The following NBAS variants were observed in gnomAD, a reference collection of about 807,000 sequenced individuals.
NBAS encodes NBAS subunit of NRZ tethering complex, also known as NAG/BC035112 fusion.
Under a neutral mutation model 302.5 loss-of-function variants are expected in NBAS, and 219 were observed. The ratio of observed to expected loss-of-function variants is 0.72; its 90% CI spans 0.65 to 0.81. The LOEUF is 0.81. NBAS is among the 30% of genes least tolerant of loss of function. The pLI is 0.00. For synonymous variants in NBAS, 1,118 were observed against 1,021.6 expected (o/e 1.09, Z -1.80); for missense variants, 2,932 against 2,841.6 (o/e 1.03, Z -0.72).
chr2:15,329,552 C>G (rs1048881543), intron 36 of NBAS, among the ~76,000 whole-genome samples: 1 of 152,140 alleles, frequency 6.6e-6, no homozygotes, highest in African/African-American at 2.4e-5. Flanking sequence ...TCTCCATAAG[C>G]TTTCCATCTT....
chr2:14,820,969 G>A, the NBAS span, among the ~76,000 whole-genome samples: 5 of 148,990 alleles, frequency 3.4e-5, no homozygotes, highest in African/African-American at 1.0e-4. Flanking sequence ...TTGCTCTGTC[G>A]CCCAGGCTGG....
At chr2:15,410,080 G>A (rs1317937918) in intron 25 of NBAS, among the ~76,000 whole-genome samples, 1 of 152,184 alleles carries the variant, frequency 6.6e-6, no homozygotes. Flanking sequence ...TACCCAGGGA[G>A]TCATGCTCCT....
the NBAS span, among the ~76,000 whole-genome samples, chr2:15,026,725 A>G: frequency 1.3e-5 from 2 of 152,102 alleles, no homozygotes; most frequent in African/African-American, 2.4e-5. Context: ...AGTTAAGAAG[A>G]TATTCCTAAC....
chr2:15,250,608 A>C (rs1668318621), intron 44 of NBAS, among the ~76,000 whole-genome samples: 1 of 152,194 alleles, frequency 6.6e-6, no homozygotes, highest in Admixed American at 6.5e-5. Context: ...AACTTAAGCA[A>C]ATTTACAAGA....
At chr2:15,334,910 A>G (rs931971847) in intron 35 of NBAS, among the ~76,000 whole-genome samples, 9 of 152,224 alleles carry the variant, frequency 5.9e-5, no homozygotes, top group African/African-American at 9.6e-5. Flanking sequence ...TGCAGTCACT[A>G]ACCCTGCCAA....
chr2:15,251,968 T>A (rs1440873770), intron 44 of NBAS, among the ~76,000 whole-genome samples: 2 of 152,128 alleles, frequency 1.3e-5, no homozygotes. Context: ...TGTCAGAGAA[T>A]GAGGAAGAAT....
chr2:14,997,453 G>A, the NBAS span, among the ~76,000 whole-genome samples: 5 of 142,000 alleles, frequency 3.5e-5, no homozygotes, highest in Non-Finnish European at 7.7e-5. Context: ...CCCTGTGCTT[G>A]TTTTTTTTTT....
chr2:15,447,063 C>T (rs1364896063), intron 21 of NBAS, among the ~76,000 whole-genome samples: 4 of 152,018 alleles, frequency 2.6e-5, no homozygotes, highest in Admixed American at 1.3e-4. Flanking sequence ...AAGTAGTAAA[C>T]GAATACCAAA....
chr2:15,533,466 C>T (rs1018160651), intron 9 of NBAS, among the ~76,000 whole-genome samples: 2 of 151,982 alleles, frequency 1.3e-5, no homozygotes, highest in Non-Finnish European at 2.9e-5. Context: ...TAAAGCAAAA[C>T]GTGCACCAAA....
chr2:15,100,221 C>T, the NBAS span, among the ~76,000 whole-genome samples: 1 of 152,052 alleles, frequency 6.6e-6, no homozygotes, highest in South Asian at 2.1e-4. Flanking sequence ...TCATGTGAGC[C>T]ATGAAAGAAA....
intron 44 of NBAS, among the ~76,000 whole-genome samples, chr2:15,251,547 C>G (rs539159145): frequency 6.6e-6 from 1 of 152,164 alleles, no homozygotes; most frequent in Admixed American, 6.5e-5. Flanking sequence ...TCCATAGGCC[C>G]TTGGGGCTGC....
chr2:15,254,562 T>A (rs1668501969), intron 44 of NBAS, among the ~76,000 whole-genome samples: 2 of 152,266 alleles, frequency 1.3e-5, no homozygotes, highest in Admixed American at 6.5e-5. Context: ...TTTAAAAAAA[T>A]TCAACAGTTT....
intron 19 of NBAS, 39 bp from the exon 20 acceptor site, chr2:15,461,830 G>T: frequency 8.5e-7 from 1 of 1,174,830 alleles, no homozygotes; most frequent in African/African-American, 1.5e-5. Context: ...TAATGAAAAG[G>T]CTTTTAAATA....
chr2:14,899,415 T>G, the NBAS span, among the ~76,000 whole-genome samples: 1 of 152,234 alleles, frequency 6.6e-6, no homozygotes, highest in African/African-American at 2.4e-5. Context: ...GTCCAGATCA[T>G]TTTTTAGTTT....
chr2:15,139,524 A>G, the NBAS span, among the ~76,000 whole-genome samples: 11 of 150,282 alleles, frequency 7.3e-5, no homozygotes, highest in South Asian at 2.1e-4. Flanking sequence ...GTGTGTGTGT[A>G]TGTGTGTGTG....
the NBAS span, among the ~76,000 whole-genome samples, chr2:15,056,248 A>T: frequency 6.6e-6 from 1 of 152,308 alleles, no homozygotes; most frequent in South Asian, 2.1e-4. Flanking sequence ...GGGATAAAGG[A>T]TTAGATGATA....
the NBAS span, among the ~76,000 whole-genome samples, chr2:14,867,359 T>C: frequency 6.6e-6 from 1 of 152,194 alleles, no homozygotes; most frequent in Non-Finnish European, 1.5e-5. Flanking sequence ...GCTAACAATC[T>C]GAAAAGCCCA....
chr2:15,114,890 T>C, the NBAS span, among the ~76,000 whole-genome samples: 1 of 152,212 alleles, frequency 6.6e-6, no homozygotes, highest in African/African-American at 2.4e-5. Context: ...AATATGAAGA[T>C]AAACACATTA....
At chr2:15,361,888 G>C (rs1558270953) in intron 32 of NBAS, among the ~76,000 whole-genome samples, 1 of 151,846 alleles carries the variant, frequency 6.6e-6, no homozygotes, top group Admixed American at 6.6e-5. Context: ...GCTGAGGCAG[G>C]AGAATCACTT....
Sources: allele counts gnomAD v4.1 joint callset (sites outside exome capture counted in the v4.1 genomes callset), GRCh38; gene constraint gnomAD v4.1.1; transcripts MANE v1.5; gene names NCBI Gene and HGNC (gene_info 2026-07-23, HGNC 2026-07-21).